SEC63: variants seen among roughly 807,000 people sequenced by gnomAD.
SEC63 encodes translocation protein SEC63 homolog.
In SEC63, 56 loss-of-function variants were observed where a neutral mutation model predicts 116.2. The ratio of observed to expected loss-of-function variants is 0.48; its 90% CI spans 0.39 to 0.60. The LOEUF (loss-of-function observed/expected upper bound fraction) is 0.60. Ranked by LOEUF, SEC63 falls within the 20% of genes least tolerant of loss-of-function variation. The pLI, the probability that SEC63 is intolerant of heterozygous loss-of-function variation, is 0.00. For missense variants in SEC63, 668 were observed against 900.0 expected, an observed-to-expected ratio of 0.74 and a Z score of 3.30; for synonymous variants, 273 against 294.6, an observed-to-expected ratio of 0.93 and a Z score of 0.75.
chr6:107,888,355 T>C (rs181484413), intron 16 of SEC63, among the ~76,000 whole-genome samples: 1 of 152,332 alleles, frequency 6.6e-6, no homozygotes, highest in East Asian at 1.9e-4. Context: ...TTTGCAGCAA[T>C]TGTGAATGGG....
chr6:107,889,281 T>A (rs1203562076), intron 16 of SEC63, among the ~76,000 whole-genome samples: 2 of 152,188 alleles, frequency 1.3e-5, no homozygotes, highest in African/African-American at 4.8e-5. Context: ...TTGTTATTGA[T>A]CTAGTCAGGG....
chr6:107,873,922 T>C (rs909839184), intron 19 of SEC63, among the ~76,000 whole-genome samples: 1 of 152,064 alleles, frequency 6.6e-6, no homozygotes, highest in African/African-American at 2.4e-5. Context: ...AAAACTACAC[T>C]GAATAGAATG....
chr6:107,923,118 T>G (rs775474896), intron 3 of SEC63, among the ~76,000 whole-genome samples: 12 of 152,220 alleles, frequency 7.9e-5, no homozygotes, highest in Non-Finnish European at 1.3e-4. Flanking sequence ...CTATCATTAA[T>G]TTCAGTTCTA....
chr6:107,921,500 G>A (rs1459806380), intron 4 of SEC63, among the ~76,000 whole-genome samples: 1 of 149,870 alleles, frequency 6.7e-6, no homozygotes, highest in African/African-American at 2.5e-5. Flanking sequence ...CATCGAAGTT[G>A]GGCTGCAGTG....
At position 107,902,876 on chromosome 6, in the gene SEC63, C is replaced by A; in HGVS notation, c.1177G>T (p.Asp393Tyr). 6.2e-7 allele frequency: 1 copy of A among 1,614,020 alleles called. No homozygotes were observed. The highest frequency in any genetic ancestry group is 8.5e-7 in the Non-Finnish European group (1 of 1,179,936). ...PLLQLPHIEEDNLRRVSNHKK... is the reference protein window; with the variant it reads ...PLLQLPHIEEYNLRRVSNHKK... ...TGATTAGAAACCCGTCTAAGATTGT[C>A]CTCTTCAATATGAGGGAGCTGCAGA... Residue 393 changes from aspartate (D) to tyrosine (Y), a missense_variant, in exon 12 of 21, where the codon GAC becomes TAC. Asp to Tyr is a radical substitution (Grantham distance 160). Coordinates refer to ENST00000369002, the MANE Select transcript of SEC63 (RefSeq NM_007214.5).
intron 1 of SEC63, among the ~76,000 whole-genome samples, chr6:107,936,580 G>A (rs1376596576): frequency 6.6e-6 from 1 of 152,162 alleles, no homozygotes; most frequent in Non-Finnish European, 1.5e-5. Flanking sequence ...ATAGAAACAG[G>A]AAATCCTAAG....
intron 10 of SEC63, among the ~76,000 whole-genome samples, chr6:107,905,368 T>C (rs950607588): frequency 6.6e-6 from 1 of 152,218 alleles, no homozygotes; most frequent in Non-Finnish European, 1.5e-5. Flanking sequence ...TCCTGTCCTA[T>C]CACCAATTAC....
chr6:107,894,577 G>C (rs1786770027), intron 14 of SEC63, among the ~76,000 whole-genome samples: 2 of 151,984 alleles, frequency 1.3e-5, no homozygotes, highest in Non-Finnish European at 2.9e-5. Flanking sequence ...AATCCATTTA[G>C]AATCAGTACA....
rs368549663 is a variant in SEC63, at chr6:107,941,855, G to A, written c.125-12341C>T. On this transcript the variant is annotated intron_variant, in intron 1 of 20. Transcript: ENST00000369002. Reference sequence around the variant, plus strand: ...TATCTCCACTGCAGCAGCTGCCCAAGTGAGCTTCTCAAAGAGAAAAACGGG... The same window carrying A: ...TATCTCCACTGCAGCAGCTGCCCAAATGAGCTTCTCAAAGAGAAAAACGGG... Among the ~76,000 whole-genome samples, 27 of 152,306 alleles carry A rather than the reference G, an allele frequency of 1.8e-4. 1 individual carries two copies. In the South Asian group the frequency reaches 5.2e-3, roughly 29 times the overall value.
chr6:107,882,202 CT>C (rs921901138), intron 17 of SEC63, among the ~76,000 whole-genome samples: 3 of 152,124 alleles, frequency 2.0e-5, no homozygotes, highest in Non-Finnish European at 4.4e-5. Context: ...ACCTCTTCCT[CT>C]TTTTTTGGCC....
At chr6:107,915,020 G>T (rs1386249516) in intron 4 of SEC63, among the ~76,000 whole-genome samples, 1 of 152,082 alleles carries the variant, frequency 6.6e-6, no homozygotes, top group Non-Finnish European at 1.5e-5. Context: ...AATAAAATAA[G>T]TCAGCAACTT....
intron 1 of SEC63, among the ~76,000 whole-genome samples, chr6:107,952,079 C>G (rs892912342): frequency 6.6e-6 from 1 of 152,020 alleles, no homozygotes; most frequent in Non-Finnish European, 1.5e-5. Flanking sequence ...GCATACAGAG[C>G]TTTTGTCCTT....
chr6:107,943,806 A>T (rs1583776423), intron 1 of SEC63, among the ~76,000 whole-genome samples: 2 of 152,234 alleles, frequency 1.3e-5, no homozygotes, highest in African/African-American at 2.4e-5. Flanking sequence ...TGGAAACAGC[A>T]AAGTGATCAA....
rs1786285990 is a variant in SEC63, at chr6:107,876,805, T to C, written c.1936-143A>G. The C allele has an allele frequency of 1.3e-5, 8 of 629,854 alleles. No homozygotes were observed. The Middle Eastern group carries it at 1.9e-3, about 153-fold the overall frequency. 39.0% of individuals were successfully genotyped at this position (629,854 alleles called of 1,614,324 possible). A position where few individuals can be genotyped will look rare whatever the true frequency, so the allele number is the denominator to read the frequency against. On this transcript the variant is annotated intron_variant, in intron 18 of 20. Coordinates refer to ENST00000369002, the MANE Select transcript of SEC63 (RefSeq NM_007214.5). ...GGTACAAAATAGGTATTCAAATGAA[T>C]ATTTACTGAAAGAATAAGCTGTTCT... is the stretch of plus-strand genomic sequence containing the variant.
chr6:107,887,381 A>T (rs1484812146), intron 16 of SEC63, among the ~76,000 whole-genome samples: 4 of 144,478 alleles, frequency 2.8e-5, no homozygotes, highest in Non-Finnish European at 4.5e-5. Context: ...GGATTAAGAA[A>T]ATGTGGCACA....
intron 1 of SEC63, among the ~76,000 whole-genome samples, chr6:107,934,312 T>G: frequency 6.8e-6 from 1 of 146,680 alleles, no homozygotes. Flanking sequence ...ATCTAGGAAG[T>G]GAGGAGCGCC....
chr6:107,924,132 C>T (rs1487642106), intron 3 of SEC63, among the ~76,000 whole-genome samples: 3 of 151,042 alleles, frequency 2.0e-5, no homozygotes, highest in South Asian at 2.1e-4. Flanking sequence ...GGCGTGATGG[C>T]AGGTGCCTGT....
intron 1 of SEC63, among the ~76,000 whole-genome samples, chr6:107,934,488 A>T (rs62427395): frequency 4.0e-4 from 29 of 72,908 alleles, no homozygotes; most frequent in East Asian, 7.9e-4. Flanking sequence ...CGGCCGCTCC[A>T]TCTGAGAAGT....
chr6:107,922,911 A>G (rs908249162), intron 3 of SEC63, among the ~76,000 whole-genome samples: 2 of 152,154 alleles, frequency 1.3e-5, no homozygotes, highest in Non-Finnish European at 2.9e-5. Context: ...GAGAAAATAG[A>G]AAGAGCACTA....
Sources: gnomAD v4.1 joint callset for allele counts (sites outside exome capture counted in the v4.1 genomes callset) on GRCh38, gnomAD v4.1.1 for gene constraint, MANE v1.5 for transcripts, NCBI Gene and HGNC (gene_info 2026-07-23, HGNC 2026-07-21) for gene names.